The following PLB1 variants were observed in gnomAD, a reference collection of about 807,000 sequenced individuals.
PLB1 encodes phospholipase B1.
In PLB1, 242 loss-of-function variants were observed where a neutral mutation model predicts 227.4. The observed-to-expected ratio is 1.06, with a 90% CI of 0.96 to 1.18. The LOEUF (loss-of-function observed/expected upper bound fraction) is 1.18, where lower values mean the gene tolerates loss of function less well. PLB1 is among the 50% of genes most tolerant of loss of function. PLB1 has a pLI of 0.00. For missense variants in PLB1, 1,858 were observed against 1,816.3 expected, an observed-to-expected ratio of 1.02 and a Z score of -0.42; for synonymous variants, 757 against 682.2, an observed-to-expected ratio of 1.11 and a Z score of -1.71.
At position 28,541,811 on chromosome 2, in the gene PLB1, G is replaced by C; in HGVS notation, c.879G>C (p.Ser293=). 2 of 1,606,082 alleles carry C rather than the reference G, an allele frequency of 1.2e-6. No homozygotes were observed. The highest frequency in any genetic ancestry group is 2.2e-5 in the East Asian group (1 of 44,838). The stretch of plus-strand genomic sequence containing the variant: ...ATGAGACCACCCCATCTCTACACTC[G>C]GTAAGTGGGGGCTGCATGGCGTATC... ...FFYETTPSLH[S]EDPRLQDSTT... Residue 293 remains serine, a splice_region_variant and synonymous_variant, in exon 13 of 58, where the codon TCG becomes TCC. Transcript: ENST00000327757.
chr2:28,548,907 G>A lies in PLB1; in HGVS notation c.984G>A (p.Gly328=), dbSNP rs774439344. The change falls in exon 15 of 58, where the codon GGG becomes GGA. Residue 328 remains glycine (G), a synonymous_variant. Coordinates refer to ENST00000327757, the MANE Select transcript of PLB1 (RefSeq NM_153021.5). ...EKDEPLSVKH[G]RPMKCPSQES... ...ATGAGCCATTGAGTGTAAAACACGG[G>A]AGGCCAATGAAGTGTCCCTCTCAGG... The A allele has an allele frequency of 9.9e-6, 16 of 1,614,022 alleles. No individual in the cohort carries two copies. The Admixed American group carries it at 1.0e-4, about 10-fold the overall frequency.
intron 54 of PLB1, among the ~76,000 whole-genome samples, chr2:28,631,044 C>T (rs550329926): frequency 1.3e-5 from 2 of 151,976 alleles, no homozygotes; most frequent in East Asian, 1.9e-4. Flanking sequence ...GTCCCAGCTA[C>T]TCAGGAGGCT....
intron 6 of PLB1, among the ~76,000 whole-genome samples, chr2:28,528,172 G>A (rs1030610535): frequency 2.6e-5 from 4 of 152,134 alleles, no homozygotes; most frequent in African/African-American, 9.7e-5. Context: ...TCTCCCACCC[G>A]CACCCTGCCT....
chr2:28,635,327 T>TAATA (rs1180409803), intron 56 of PLB1, among the ~76,000 whole-genome samples: 2 of 152,020 alleles, frequency 1.3e-5, no homozygotes, highest in Admixed American at 1.3e-4. Flanking sequence ...AAAAAATAAA[T>TAATA]AATAGACCAT....
intron 32 of PLB1, 137 bp from the exon 33 acceptor site, chr2:28,593,544 C>T: frequency 1.4e-6 from 1 of 699,328 alleles, no homozygotes; most frequent in South Asian, 1.7e-5. Flanking sequence ...GACTTAGAGC[C>T]AGGGGCTCCT....
At position 28,604,032 on chromosome 2, in the gene PLB1, C is replaced by T. The variant is rs1487854578; in HGVS notation, c.2841C>T (p.Phe947=). 5 of 1,614,044 alleles carry T rather than the reference C, an allele frequency of 3.1e-6. No individual in the cohort carries two copies. The highest frequency in any genetic ancestry group is 4.2e-6 in the Non-Finnish European group (5 of 1,179,848). The change falls in exon 40 of 58, where the codon TTC becomes TTT. Residue 947 remains phenylalanine, a synonymous_variant. Transcript: ENST00000327757. ...NSQELARLEA[F]SRAYRSSMRE... is the part of the protein sequence containing the mutation. ...AAGAGCTAGCCAGGCTGGAGGCCTT[C>T]AGCCGAGCCTACCGGGTAAGACCAA...
At position 28,605,914 on chromosome 2, in the gene PLB1, A is replaced by G; in HGVS notation, c.3023A>G (p.His1008Arg). The change falls in exon 42 of 58, where the codon CAC (histidine) becomes CGC (arginine). Residue 1008 changes from histidine to arginine, a missense_variant. His to Arg is a conservative substitution (Grantham distance 29). Coordinates refer to ENST00000327757, the MANE Select transcript of PLB1 (RefSeq NM_153021.5). ...TGCATCCACCCAAATCAGAAATTCCACTCCCAGCTGGCCAGAGCCCTTTGG... is the reference window on the plus strand; with the variant it reads ...TGCATCCACCCAAATCAGAAATTCCGCTCCCAGCTGGCCAGAGCCCTTTGG... ...PDCIHPNQKF[H>R]SQLARALWTN... is the part of the protein sequence containing the mutation. 6.2e-7 allele frequency: 1 copy of G among 1,613,044 alleles called. No homozygotes were observed. The highest frequency in any genetic ancestry group is 1.1e-5 in the South Asian group (1 of 91,010).
chr2:28,628,955 T>C, intron 52 of PLB1, 139 bp from the exon 53 acceptor site: 1 of 685,708 alleles, frequency 1.5e-6, no homozygotes, highest in Non-Finnish European at 2.5e-6. Flanking sequence ...AGTGAGATAC[T>C]ACAAGTTGCA....
chr2:28,576,623 G>A (rs1678996271), intron 21 of PLB1, among the ~76,000 whole-genome samples: 1 of 152,126 alleles, frequency 6.6e-6, no homozygotes, highest in African/African-American at 2.4e-5. Flanking sequence ...CCAGTTATTT[G>A]GGAGGCTGAG....
At chr2:28,551,015 C>T (rs1166023672) in intron 16 of PLB1, among the ~76,000 whole-genome samples, 1 of 152,350 alleles carries the variant, frequency 6.6e-6, no homozygotes, top group East Asian at 1.9e-4. Context: ...TCCGAGCTGC[C>T]TCCGCAACCA....
intron 30 of PLB1, 133 bp downstream of exon 30, chr2:28,591,304 CT>C: frequency 9.2e-7 from 1 of 1,085,854 alleles, no homozygotes; most frequent in Non-Finnish European, 1.4e-6. Context: ...CCCACCTGAC[CT>C]TCAGATGGGG....
intron 15 of PLB1, 109 bp from the exon 16 acceptor site, chr2:28,549,901 G>C: frequency 1.2e-6 from 1 of 827,898 alleles, no homozygotes; most frequent in Non-Finnish European, 2.0e-6. Flanking sequence ...CTGGAAGCGT[G>C]ATGTGAATGT....
chr2:28,578,192 A>G, intron 22 of PLB1, 34 bp downstream of exon 22: 1 of 1,602,794 alleles, frequency 6.2e-7, no homozygotes, highest in Non-Finnish European at 8.5e-7. Flanking sequence ...GGCAGGAAAA[A>G]TCCCTGGACA....
At position 28,518,412 on chromosome 2, in the gene PLB1, G is replaced by A; in HGVS notation, c.118-54G>A. The A allele has an allele frequency of 3.7e-6, 5 of 1,363,372 alleles. No individual in the cohort carries two copies. The South Asian group carries it at 4.7e-5, about 13-fold the overall frequency. The allele number at this position is 1,363,372 out of a possible 1,614,324, so 84.5% of individuals were successfully genotyped here. ...TTTCTACACCAAGTTTTCAGGACCT[G>A]CAATATTTCTATACAAGGCAGTTGA... On this transcript the variant is annotated intron_variant, in intron 2 of 57. Transcript: ENST00000327757.
At chr2:28,628,343 G>A (rs955580333) in intron 51 of PLB1, among the ~76,000 whole-genome samples, 1 of 152,108 alleles carries the variant, frequency 6.6e-6, no homozygotes, top group Non-Finnish European at 1.5e-5. Flanking sequence ...GAGCAGGGTG[G>A]GGGTTGGGAT....
At chr2:28,573,358 G>C in intron 21 of PLB1, 53 bp downstream of exon 21, 1 of 1,410,670 alleles carries the variant, frequency 7.1e-7, no homozygotes, top group Non-Finnish European at 1.0e-6. Flanking sequence ...GAGGACCAGG[G>C]GTGGGCTTGG....
chr2:28,581,513 AT>A (rs1345611917), intron 23 of PLB1, among the ~76,000 whole-genome samples: 9 of 143,790 alleles, frequency 6.3e-5, no homozygotes, highest in Non-Finnish European at 1.0e-4. Context: ...AAATAAATAA[AT>A]AAATAAATAA....
intron 18 of PLB1, among the ~76,000 whole-genome samples, chr2:28,564,239 C>T (rs1676505182): frequency 6.6e-6 from 1 of 152,194 alleles, no homozygotes; most frequent in Admixed American, 6.5e-5. Flanking sequence ...AAGGCCCTGT[C>T]TCTAAATCAA....
intron 48 of PLB1, 49 bp from the exon 49 acceptor site, chr2:28,620,830 T>C: frequency 6.6e-7 from 1 of 1,508,834 alleles, no homozygotes. Context: ...ACTGTGAGGG[T>C]CCTGCAGGCT....
Sources: gnomAD v4.1 joint callset for allele counts (sites outside exome capture counted in the v4.1 genomes callset) on GRCh38, gnomAD v4.1.1 for gene constraint, MANE v1.5 for transcripts, NCBI Gene and HGNC (gene_info 2026-07-23, HGNC 2026-07-21) for gene names.